ALDH2: variants seen among roughly 807,000 people sequenced by gnomAD.
The protein encoded by ALDH2 is aldehyde dehydrogenase, mitochondrial.
A neutral mutation model predicts 59.6 loss-of-function variants in ALDH2; 44 were observed. The observed-to-expected ratio is 0.74, with a 90% confidence interval of 0.58 to 0.95. The LOEUF is 0.95. Ranked by LOEUF, ALDH2 falls within the 40% of genes least tolerant of loss-of-function variation. The probability of loss-of-function intolerance (pLI) is 0.00; values close to 1 mark genes in which losing one functional copy is unlikely to be tolerated. For synonymous variants in ALDH2, 291 were observed against 284.0 expected, an observed-to-expected ratio of 1.02 and a Z score of -0.25; for missense variants, 570 against 696.3, an observed-to-expected ratio of 0.82 and a Z score of 2.04.
chr12:111,808,190 T>G (rs1357019124), intron 12 of ALDH2, among the ~76,000 whole-genome samples: 1 of 152,116 alleles, frequency 6.6e-6, no homozygotes, highest in Non-Finnish European at 1.5e-5. Flanking sequence ...AATTTGTATT[T>G]TTAAAAGATT....
At chr12:111,790,360 G>C (rs2068348209) in intron 5 of ALDH2, 74 bp from the exon 6 acceptor site, 1 of 1,597,338 alleles carries the variant, frequency 6.3e-7, no homozygotes, top group South Asian at 1.1e-5. Flanking sequence ...GCCCTCTGGG[G>C]TTGCCACCTT....
chr12:111,796,351 A>C (rs1411246856), intron 9 of ALDH2, among the ~76,000 whole-genome samples: 2 of 151,792 alleles, frequency 1.3e-5, no homozygotes, highest in African/African-American at 4.8e-5. Context: ...TTTTAAAAAA[A>C]AGCAAAAAAA....
Position 111,803,979 on chromosome 12 carries a change from T to A in ALDH2, c.1521+6T>A, listed in dbSNP as rs777093529. ...CATACACTGAAGTGAAAACTGTGAG[T>A]GTGGGACCTGCTGGGGGCTCAGGGC... On this transcript the variant is annotated splice_donor_region_variant and intron_variant, in intron 12 of 12. Coordinates refer to ENST00000261733, the MANE Select transcript of ALDH2 (RefSeq NM_000690.4). 10 of 1,595,370 alleles carry A rather than the reference T, an allele frequency of 6.3e-6. No homozygotes were observed. The Admixed American group carries it at 8.6e-5, about 14-fold the overall frequency.
rs962569638 is a variant in ALDH2 at position 111,803,996 on chromosome 12, G to T, written c.1521+23G>T. 1.1e-5 allele frequency: 17 copies of T among 1,566,908 alleles called. No individual in the cohort carries two copies. In the Middle Eastern group the frequency reaches 2.5e-3, roughly 232 times the overall value. ...ACTGTGAGTGTGGGACCTGCTGGGG[G>T]CTCAGGGCCTGTTGGGGCTTGAGGG... On this transcript the variant is annotated intron_variant, in intron 12 of 12. Transcript: ENST00000261733.
chr12:111,795,573 G>A (rs372778066), intron 9 of ALDH2, among the ~76,000 whole-genome samples: 7 of 148,800 alleles, frequency 4.7e-5, no homozygotes, highest in Non-Finnish European at 7.4e-5. Flanking sequence ...GTGAGCCACC[G>A]CACCTGTCCT....
chr12:111,782,172 C>A, intron 2 of ALDH2, 150 bp downstream of exon 2: 1 of 623,198 alleles, frequency 1.6e-6, no homozygotes. Context: ...TCAATAGAAA[C>A]TTGTCTGCAG....
intron 4 of ALDH2, among the ~76,000 whole-genome samples, chr12:111,789,312 C>T (rs890060334): frequency 1.3e-5 from 2 of 151,404 alleles, no homozygotes; most frequent in African/African-American, 4.9e-5. Context: ...CCACCACACC[C>T]AGCAAGACCC....
chr12:111,781,980 G>T lies in ALDH2; in HGVS notation c.177G>T (p.Pro59=), dbSNP rs1043458349. 1.9e-6 allele frequency: 3 copies of T among 1,613,948 alleles called. No individual in the cohort carries two copies. ...VSRKTFPTVN[P]STGEVICQVA... ...GGAAAACATTCCCCACCGTCAATCC[G>T]TCCACTGGAGAGGTCATCTGTCAGG... The change falls in exon 2 of 13, where the codon CCG becomes CCT. Residue 59 remains proline (P), a synonymous_variant. Coordinates refer to ENST00000261733, the MANE Select transcript of ALDH2 (RefSeq NM_000690.4).
intron 12 of ALDH2, among the ~76,000 whole-genome samples, chr12:111,807,246 G>A (rs1005528072): frequency 6.6e-6 from 1 of 151,836 alleles, no homozygotes; most frequent in Non-Finnish European, 1.5e-5. Flanking sequence ...GTGGGAGACA[G>A]AGCGAGACTC....
intron 11 of ALDH2, among the ~76,000 whole-genome samples, chr12:111,801,400 G>A (rs1566194331): frequency 6.6e-6 from 1 of 152,152 alleles, no homozygotes; most frequent in African/African-American, 2.4e-5. Context: ...ATAACATTGA[G>A]TGAAAGAACC....
chr12:111,806,402 T>C (rs1259726204), intron 12 of ALDH2, among the ~76,000 whole-genome samples: 1 of 152,214 alleles, frequency 6.6e-6, no homozygotes, highest in Non-Finnish European at 1.5e-5. Flanking sequence ...AATTATAGTT[T>C]AACCAGAAAA....
chr12:111,813,548 A>T lies in ALDH2; in HGVS notation c.*3973A>T, dbSNP rs921856941. The T allele has an allele frequency of 4.6e-5, 7 of 152,238 alleles. No individual in the cohort carries two copies. Among genetic ancestry groups the T allele is most frequent in the African/African-American group, 1.7e-4 (7 of 41,466 alleles). 9.4% of individuals were successfully genotyped at this position (152,238 alleles called of 1,614,324 possible). A position where few individuals can be genotyped will look rare whatever the true frequency, so the allele number is the denominator to read the frequency against. ...CAGCACTATTCACGACAGCTCAGAGATGGAATCAACCCAAATATCAGTCAA... is the reference window on the plus strand; with the variant it reads ...CAGCACTATTCACGACAGCTCAGAGTTGGAATCAACCCAAATATCAGTCAA... On this transcript the variant is annotated 3_prime_UTR_variant, in exon 13 of 13. Transcript: ENST00000261733.
chr12:111,782,870 C>T (rs1303053974), intron 2 of ALDH2, among the ~76,000 whole-genome samples: 4 of 150,582 alleles, frequency 2.7e-5, no homozygotes, highest in African/African-American at 4.9e-5. Context: ...GGCGACAGAG[C>T]GAGATTTCGT....
intron 9 of ALDH2, among the ~76,000 whole-genome samples, chr12:111,795,698 T>G (rs932478165): frequency 6.6e-6 from 1 of 151,266 alleles, no homozygotes; most frequent in African/African-American, 2.4e-5. Context: ...TTTGAATGAT[T>G]CTCCTGCCTC....
Position 111,809,973 on chromosome 12 carries a change from G to T in ALDH2, c.*398G>T, listed in dbSNP as rs778739435. On this transcript the variant is annotated 3_prime_UTR_variant, in exon 13 of 13. Coordinates refer to ENST00000261733, the MANE Select transcript of ALDH2 (RefSeq NM_000690.4). ...GGCTAAGATTCATTAAAAACTAGCT[G>T]CTCTTAACTTACTGGGTAACTCTTT... is the stretch of plus-strand genomic sequence containing the variant. 2.7e-5 allele frequency: 7 copies of T among 258,046 alleles called. No homozygotes were observed. Among genetic ancestry groups the T allele is most frequent in the African/African-American group, 4.5e-5 (2 of 44,330 alleles). The allele number at this position is 258,046 out of a possible 1,614,324, so 16.0% of individuals were successfully genotyped here. A position where few individuals can be genotyped will look rare whatever the true frequency, so the allele number is the denominator to read the frequency against.
At chr12:111,781,763 G>C (rs1330137943) in intron 1 of ALDH2, among the ~76,000 whole-genome samples, 155 bp from the exon 2 acceptor site, 2 of 152,096 alleles carry the variant, frequency 1.3e-5, no homozygotes, top group African/African-American at 2.4e-5. Flanking sequence ...TTCTGGCCTA[G>C]ATTGTCTGCA....
rs375845001 is a variant in ALDH2 at position 111,783,185 on chromosome 12, G to A, written c.247G>A (p.Ala83Thr). The A allele has an allele frequency of 3.7e-6, 6 of 1,612,658 alleles. No individual in the cohort carries two copies. The highest frequency in any genetic ancestry group is 3.3e-5 in the Admixed American group (2 of 59,924). ...AGATGTGGACAAGGCAGTGAAGGCC[G>A]CCCGGGCCGCCTTCCAGCTGGGCTC... ...KEDVDKAVKA[A>T]RAAFQLGSPW... Residue 83 changes from alanine (A) to threonine (T), a missense_variant, in exon 3 of 13, where the codon GCC becomes ACC. Coordinates refer to ENST00000261733, the MANE Select transcript of ALDH2 (RefSeq NM_000690.4).
rs1170455696 is a variant in ALDH2, at chr12:111,791,385, A to T, written c.761A>T (p.Asp254Val). The T allele has an allele frequency of 1.9e-6, 3 of 1,613,906 alleles. No homozygotes were observed. Among genetic ancestry groups the T allele is most frequent in the African/African-American group, 1.3e-5 (1 of 74,924 alleles). ...GGGGCCGCCATTGCCTCCCATGAGG[A>T]TGTGGACAAAGTGGCATTCACAGGC... ...TAGAAIASHE[D>V]VDKVAFTGST... The change falls in exon 7 of 13, where the codon GAT becomes GTT. Residue 254 changes from aspartate (D) to valine (V), a missense_variant. Physicochemically the swap from Asp to Val is radical, Grantham distance 152. Coordinates refer to ENST00000261733, the MANE Select transcript of ALDH2 (RefSeq NM_000690.4).
rs569388000 is a variant in ALDH2, at chr12:111,803,967, G to A, written c.1515G>A (p.Val505=). Residue 505 remains valine, a synonymous_variant, in exon 12 of 13, where the codon GTG becomes GTA. Coordinates refer to ENST00000261733, the MANE Select transcript of ALDH2 (RefSeq NM_000690.4). ...ACGGGCTGCAGGCATACACTGAAGT[G>A]AAAACTGTGAGTGTGGGACCTGCTG... ...GEYGLQAYTE[V]KTVTVKVPQK... is the part of the protein sequence containing the mutation. 5.9e-5 allele frequency: 95 copies of A among 1,605,882 alleles called. 1 individual carries two copies. In the South Asian group the frequency reaches 9.9e-4, roughly 17 times the overall value.
Sources: gnomAD v4.1 joint callset for allele counts (sites outside exome capture counted in the v4.1 genomes callset) on GRCh38, gnomAD v4.1.1 for gene constraint, MANE v1.5 for transcripts, NCBI Gene and HGNC (gene_info 2026-07-23, HGNC 2026-07-21) for gene names.